The following DOCK3 variants were observed in gnomAD, a reference collection of about 807,000 sequenced individuals.
DOCK3 encodes dedicator of cytokinesis 3, also known as dedicator of cytokinesis protein 3.
Under a neutral mutation model 265.6 loss-of-function variants are expected in DOCK3, and 60 were observed. The ratio of observed to expected loss-of-function variants is 0.23; its 90% CI spans 0.18 to 0.28. The LOEUF is 0.28. Ranked by LOEUF, DOCK3 falls within the 10% of genes least tolerant of loss-of-function variation. The pLI, the probability that DOCK3 is intolerant of heterozygous loss-of-function variation, is 1.00. For missense variants in DOCK3, 1,981 were observed against 2,594.3 expected (o/e 0.76, Z 5.14); for synonymous variants, 881 against 938.0 (o/e 0.94, Z 1.11).
Position 51,312,501 on chromosome 3 carries a change from C to T in DOCK3, c.3119C>T (p.Ala1040Val). The T allele has an allele frequency of 6.2e-7, 1 of 1,609,116 alleles. No individual in the cohort carries two copies. The highest frequency in any genetic ancestry group is 8.5e-7 in the Non-Finnish European group (1 of 1,178,970). ...FKVWNSYFSL[A>V]VLFINQPSLQ... ...GTGTGGAATTCTTACTTTAGCCTGG[C>T]AGTTCTATTCATAAATCAGCCAAGC... Residue 1040 changes from alanine to valine, a missense_variant, in exon 30 of 53, where the codon GCA becomes GTA. This residue lies in a region of DOCK3 where 1,357 missense variants were observed against 1,866.8 expected (regional missense o/e 0.73). Coordinates refer to ENST00000266037, the MANE Select transcript of DOCK3 (RefSeq NM_004947.5).
chr3:51,108,318 T>A (rs2083375923), intron 9 of DOCK3, among the ~76,000 whole-genome samples: 1 of 152,100 alleles, frequency 6.6e-6, no homozygotes, highest in Non-Finnish European at 1.5e-5. Context: ...GGAAAGAAGA[T>A]CCTTGTCAGG....
intron 10 of DOCK3, among the ~76,000 whole-genome samples, chr3:51,158,413 G>T (rs1336952580): frequency 6.6e-6 from 1 of 152,094 alleles, no homozygotes; most frequent in Non-Finnish European, 1.5e-5. Flanking sequence ...GGGCATGATG[G>T]TGCACACCTG....
At chr3:51,050,296 A>G (rs2109108975) in intron 5 of DOCK3, among the ~76,000 whole-genome samples, 1 of 152,262 alleles carries the variant, frequency 6.6e-6, no homozygotes, top group Middle Eastern at 3.4e-3. Context: ...CAGAGGTGGG[A>G]GGATCACTTG....
At chr3:50,816,474 A>G (rs1005879444) in intron 2 of DOCK3, among the ~76,000 whole-genome samples, 3 of 151,820 alleles carry the variant, frequency 2.0e-5, no homozygotes, top group African/African-American at 7.3e-5. Flanking sequence ...GGTGCCCACC[A>G]CTACGCCAGC....
Position 51,382,339 on chromosome 3 carries a change from TTA to T in DOCK3, c.*782_*783del, listed in dbSNP as rs2088702553. 1 of 152,544 alleles carries T rather than the reference TTA, an allele frequency of 6.6e-6. No individual in the cohort carries two copies. Among genetic ancestry groups the T allele is most frequent in the East Asian group, 1.9e-4 (1 of 5,172 alleles). 9.4% of individuals were successfully genotyped at this position (152,544 alleles called of 1,614,324 possible). ...CCAGTGGTGACTGGATCTGCAAGGG[TTA>T]TCTCCCGCCCTCTGGGGTTTGAGTG... On this transcript the variant is annotated 3_prime_UTR_variant, in exon 53 of 53. Transcript: ENST00000266037.
intron 5 of DOCK3, among the ~76,000 whole-genome samples, chr3:51,033,225 T>G (rs1464507332): frequency 6.6e-6 from 1 of 152,188 alleles, no homozygotes; most frequent in African/African-American, 2.4e-5. Context: ...GGAGAAGGAC[T>G]CTGGTGAAAC....
At chr3:50,726,498 CTG>C (rs2037836955) in intron 1 of DOCK3, among the ~76,000 whole-genome samples, 1 of 152,166 alleles carries the variant, frequency 6.6e-6, no homozygotes, top group South Asian at 2.1e-4. Flanking sequence ...TCTTCCGGCT[CTG>C]TGTGAGCAGG....
intron 12 of DOCK3, among the ~76,000 whole-genome samples, chr3:51,161,089 A>C (rs1280375688): frequency 3.3e-5 from 5 of 150,830 alleles, no homozygotes; most frequent in African/African-American, 1.2e-4. Flanking sequence ...GAAAAAAAAA[A>C]AAAACAAAAA....
At chr3:51,107,891 T>G (rs974537889) in intron 9 of DOCK3, among the ~76,000 whole-genome samples, 3 of 152,164 alleles carry the variant, frequency 2.0e-5, no homozygotes, top group African/African-American at 7.2e-5. Context: ...AGTCATCATA[T>G]TCTTCAAGGT....
intron 9 of DOCK3, among the ~76,000 whole-genome samples, chr3:51,136,743 C>CAGTAGTTACAAAATGTA (rs1448968949): frequency 3.3e-5 from 5 of 151,950 alleles, no homozygotes; most frequent in African/African-American, 1.2e-4. Context: ...AGAAAGAACC[C>CAGTAGTTACAAAATGTA]TTGCATTATA....
At chr3:50,933,847 G>T in intron 4 of DOCK3, 134 bp from the exon 5 acceptor site, 1 of 549,770 alleles carries the variant, frequency 1.8e-6, no homozygotes, top group South Asian at 3.4e-5. Context: ...AAAGGTCTTT[G>T]ATCAATTAGA....
intron 7 of DOCK3, among the ~76,000 whole-genome samples, chr3:51,086,964 G>T (rs2082450431): frequency 6.6e-6 from 1 of 152,124 alleles, no homozygotes; most frequent in East Asian, 1.9e-4. Flanking sequence ...AACAAGAAAA[G>T]AGATCAAATC....
intron 5 of DOCK3, among the ~76,000 whole-genome samples, chr3:50,985,834 TAATTA>T (rs769927430): frequency 3.8e-4 from 58 of 151,764 alleles, no homozygotes; most frequent in Non-Finnish European, 5.5e-4. Flanking sequence ...TAAATTAAAT[TAATTA>T]AATTAAATAA....
chr3:50,740,562 C>A (rs766291946), intron 1 of DOCK3, among the ~76,000 whole-genome samples: 1 of 152,058 alleles, frequency 6.6e-6, no homozygotes, highest in Non-Finnish European at 1.5e-5. Flanking sequence ...TTTTAGCAGT[C>A]TATAGGTGTG....
intron 1 of DOCK3, among the ~76,000 whole-genome samples, chr3:50,743,976 A>C (rs2039254638): frequency 6.6e-6 from 1 of 152,232 alleles, no homozygotes; most frequent in South Asian, 2.1e-4. Context: ...AAAGAAAATA[A>C]TAGTCCTCGT....
intron 22 of DOCK3, among the ~76,000 whole-genome samples, chr3:51,255,371 C>T (rs909179047): frequency 2.0e-5 from 3 of 152,112 alleles, no homozygotes; most frequent in Non-Finnish European, 2.9e-5. Context: ...CGAGGAGTAT[C>T]TTTATGGTGT....
At position 51,237,629 on chromosome 3, in the gene DOCK3, G is replaced by A. The variant is rs529694947; in HGVS notation, c.2102+39G>A. On this transcript the variant is annotated intron_variant, in intron 21 of 52. Coordinates refer to ENST00000266037, the MANE Select transcript of DOCK3 (RefSeq NM_004947.5). ...GGTATCATCATTAGGACTCGTGTTT[G>A]AGTAGAAATATAGGCTTTAAAAAAG... 3 of 1,563,168 alleles carry A rather than the reference G, an allele frequency of 1.9e-6. No homozygotes were observed. The African/African-American group carries it at 4.1e-5, about 21-fold the overall frequency.
intron 9 of DOCK3, among the ~76,000 whole-genome samples, chr3:51,140,608 A>G (rs939479727): frequency 6.6e-6 from 1 of 152,094 alleles, no homozygotes; most frequent in Non-Finnish European, 1.5e-5. Flanking sequence ...TCTCTTGGAT[A>G]TATACCTAGG....
At chr3:51,032,119 CGTGT>C (rs1199409161) in intron 5 of DOCK3, among the ~76,000 whole-genome samples, 29 of 149,098 alleles carry the variant, frequency 1.9e-4, no homozygotes, top group Admixed American at 6.7e-4. Context: ...CCTCCCTCCT[CGTGT>C]GTGTGTGTGT....
Sources: gnomAD v4.1 joint callset for allele counts (sites outside exome capture counted in the v4.1 genomes callset) on GRCh38, gnomAD v4.1.1 for gene constraint, gnomAD v4.1.1 regional missense constraint, MANE v1.5 for transcripts, NCBI Gene and HGNC (gene_info 2026-07-23, HGNC 2026-07-21) for gene names.